The following RABGEF1 variants were observed in gnomAD, a reference collection of about 807,000 sequenced individuals.
The protein encoded by RABGEF1 is RAB guanine nucleotide exchange factor 1.
A neutral mutation model predicts 57.3 loss-of-function variants in RABGEF1; 26 were observed. The observed-to-expected ratio is 0.45, with a 90% CI of 0.33 to 0.63. RABGEF1 has a LOEUF of 0.63. Ranked by LOEUF, RABGEF1 falls within the 20% of genes least tolerant of loss-of-function variation. The pLI, the probability that RABGEF1 is intolerant of heterozygous loss-of-function variation, is 0.02. For missense variants in RABGEF1, 464 were observed against 607.6 expected, an observed-to-expected ratio of 0.76 and a Z score of 2.48; for synonymous variants, 185 against 210.7, an observed-to-expected ratio of 0.88 and a Z score of 1.06.
intron 2 of RABGEF1, among the ~76,000 whole-genome samples, chr7:66,732,765 CTCTT>C (rs1797486597): frequency 6.6e-6 from 1 of 151,248 alleles, no homozygotes; most frequent in African/African-American, 2.4e-5. Context: ...CTTGCTGTCT[CTCTT>C]TCTCACTCGC....
At chr7:66,709,974 T>C (rs1922722) in intron 1 of RABGEF1, among the ~76,000 whole-genome samples, 35,925 of 152,156 alleles carry the variant, frequency 0.24, 4,416 homozygotes, top group East Asian at 0.31. Flanking sequence ...TAAAGTTGTT[T>C]AGTGGAGAAA....
intron 2 of RABGEF1, among the ~76,000 whole-genome samples, chr7:66,717,019 T>G (rs530346971): frequency 5.8e-4 from 89 of 152,358 alleles, no homozygotes; most frequent in African/African-American, 2.1e-3. Flanking sequence ...CCTCAGGTGA[T>G]CCGCCCGCCT....
At chr7:66,703,891 CA>C (rs1793643627) in intron 1 of RABGEF1, among the ~76,000 whole-genome samples, 1 of 152,140 alleles carries the variant, frequency 6.6e-6, no homozygotes, top group African/African-American at 2.4e-5. Flanking sequence ...TGGGTATTGC[CA>C]TCTTAACAAT....
chr7:66,672,386 C>A, the RABGEF1 span, among the ~76,000 whole-genome samples: 1 of 152,088 alleles, frequency 6.6e-6, no homozygotes, highest in African/African-American at 2.4e-5. Flanking sequence ...GAGCCGAGAT[C>A]GTGCCACTGC....
intron 2 of RABGEF1, 105 bp downstream of exon 2, chr7:66,772,183 G>C: frequency 2.1e-6 from 2 of 931,722 alleles, no homozygotes; most frequent in Non-Finnish European, 2.9e-6. Flanking sequence ...CTATCAGCAA[G>C]TCAGTTTAAT....
At chr7:66,789,876 G>T (rs1470596186) in intron 4 of RABGEF1, among the ~76,000 whole-genome samples, 1 of 152,082 alleles carries the variant, frequency 6.6e-6, no homozygotes, top group African/African-American at 2.4e-5. Context: ...TTGTCTCCCA[G>T]CCTTCTCAGT....
intron 3 of RABGEF1, among the ~76,000 whole-genome samples, chr7:66,781,288 A>T (rs950816878): frequency 6.6e-6 from 1 of 152,210 alleles, no homozygotes; most frequent in African/African-American, 2.4e-5. Flanking sequence ...AAAGAAAAAA[A>T]AATTAAAACA....
intron 1 of RABGEF1, among the ~76,000 whole-genome samples, chr7:66,684,521 C>CA (rs1482213705): frequency 2.0e-5 from 3 of 152,172 alleles, no homozygotes; most frequent in African/African-American, 7.2e-5. Flanking sequence ...ATGGCAGGAA[C>CA]ACAGCTAACT....
chr7:66,700,205 C>T (rs1191944959), intron 1 of RABGEF1, among the ~76,000 whole-genome samples: 1 of 152,258 alleles, frequency 6.6e-6, no homozygotes, highest in Non-Finnish European at 1.5e-5. Flanking sequence ...AGATCTCTCC[C>T]TACCAGGGCA....
At chr7:66,782,672 G>C (rs535773532) in intron 3 of RABGEF1, among the ~76,000 whole-genome samples, 1 of 151,714 alleles carries the variant, frequency 6.6e-6, no homozygotes, top group Admixed American at 6.6e-5. Flanking sequence ...GCAGCTACTC[G>C]GAGACTTGAG....
At chr7:66,787,677 G>C (rs1161936688) in intron 4 of RABGEF1, among the ~76,000 whole-genome samples, 2 of 152,062 alleles carry the variant, frequency 1.3e-5, no homozygotes, top group East Asian at 3.9e-4. Flanking sequence ...CCTTAACCAA[G>C]CTTCACACAG....
chr7:66,681,393 CTTT>C (rs60669901), upstream of RABGEF1, among the ~76,000 whole-genome samples: 2 of 128,816 alleles, frequency 1.6e-5, no homozygotes, highest in African/African-American at 3.0e-5. Flanking sequence ...CTCAGTTACG[CTTT>C]TTTTTTTTTT....
In RABGEF1 at chr7:66,703,000, T is replaced by C. The variant is rs578199471; in HGVS notation, c.-872-9167T>C. On this transcript the variant is annotated intron_variant and NMD_transcript_variant, in intron 1 of 9. Coordinates refer to the RABGEF1 transcript ENST00000607882. ...GTTTGTTTGTTTTTGAGAAGGAGTC[T>C]CGCTCTGTCGCCGCCCAGGCTGGAG... Among the ~76,000 whole-genome samples, 18 of 152,300 alleles carry C rather than the reference T, an allele frequency of 1.2e-4. No individual in the cohort carries two copies. The East Asian group carries it at 3.5e-3, about 29-fold the overall frequency.
At chr7:66,766,764 G>A (rs1170676484) in intron 1 of RABGEF1, among the ~76,000 whole-genome samples, 1 of 151,302 alleles carries the variant, frequency 6.6e-6, no homozygotes, top group African/African-American at 2.4e-5. Flanking sequence ...TCACTCTGTT[G>A]CGCAGGCTGG....
chr7:66,700,900 C>T (rs1793149641), intron 1 of RABGEF1, among the ~76,000 whole-genome samples: 1 of 152,210 alleles, frequency 6.6e-6, no homozygotes, highest in Non-Finnish European at 1.5e-5. Context: ...TACTGTGGGG[C>T]AGGGTTGCAG....
the RABGEF1 span, among the ~76,000 whole-genome samples, chr7:66,662,943 CGTGTGCAGGCATGT>C: frequency 6.7e-6 from 1 of 148,844 alleles, no homozygotes; most frequent in African/African-American, 2.5e-5. Context: ...TGCAGGTGTG[CGTGTGCAGGCATGT>C]GTGTGCAGGT....
upstream of RABGEF1, among the ~76,000 whole-genome samples, chr7:66,680,103 T>A (rs1179951398): frequency 6.6e-6 from 1 of 152,224 alleles, no homozygotes; most frequent in Non-Finnish European, 1.5e-5. Flanking sequence ...GTTGCCTGAT[T>A]CTATGATCAC....
chr7:66,681,233 A>AGATG (rs923521390), upstream of RABGEF1, among the ~76,000 whole-genome samples: 17 of 152,182 alleles, frequency 1.1e-4, no homozygotes, highest in African/African-American at 4.1e-4. Context: ...CTTTCACCAT[A>AGATG]GATGGCATCC....
At chr7:66,727,813 TCATGTTAA>T (rs1024511919) in intron 2 of RABGEF1, among the ~76,000 whole-genome samples, 6 of 152,286 alleles carry the variant, frequency 3.9e-5, no homozygotes, top group Middle Eastern at 3.4e-3. Flanking sequence ...AGGTCTGTGT[TCATGTTAA>T]CAATAGGAGA....
Sources: allele counts gnomAD v4.1 joint callset (sites outside exome capture counted in the v4.1 genomes callset), GRCh38; gene constraint gnomAD v4.1.1; transcripts MANE v1.5; gene names NCBI Gene and HGNC (gene_info 2026-07-23, HGNC 2026-07-21).